Variants in CUL1 observed in about 807,000 individuals in gnomAD.
CUL1 encodes cullin-1.
CUL1 carries 24 observed loss-of-function variants against 118.0 expected under a neutral mutation model. The ratio of observed to expected loss-of-function variants is 0.20; its 90% CI spans 0.15 to 0.29. CUL1 has a LOEUF of 0.29. Ranked by LOEUF, CUL1 falls within the 10% of genes least tolerant of loss-of-function variation. CUL1 has a pLI of 1.00. For synonymous variants in CUL1, 332 were observed against 340.4 expected, an observed-to-expected ratio of 0.98 and a Z score of 0.27; for missense variants, 361 against 933.8, an observed-to-expected ratio of 0.39 and a Z score of 7.99.
intron 2 of CUL1, among the ~76,000 whole-genome samples, chr7:148,752,029 G>A (rs773504834): frequency 3.0e-4 from 46 of 152,056 alleles, no homozygotes; most frequent in Non-Finnish European, 6.0e-4. Context: ...CAGGAGAATC[G>A]CTTGAACCCA....
intron 1 of CUL1, among the ~76,000 whole-genome samples, chr7:148,725,219 G>GCGCACGCACACACACACACACACACA: frequency 6.4e-5 from 9 of 140,060 alleles, no homozygotes; most frequent in African/African-American, 2.5e-4. Context: ...ACACGCGCGC[G>GCGCACGCACACACACACACACACACA]CTCACACACA....
At chr7:148,791,455 A>G (rs1019058593) in intron 16 of CUL1, among the ~76,000 whole-genome samples, 1 of 152,248 alleles carries the variant, frequency 6.6e-6, no homozygotes, top group Non-Finnish European at 1.5e-5. Flanking sequence ...GTTTCTTACT[A>G]TACAATTGAA....
chr7:148,752,794 G>C (rs1017086398), intron 2 of CUL1, among the ~76,000 whole-genome samples: 1 of 152,054 alleles, frequency 6.6e-6, no homozygotes, highest in African/African-American at 2.4e-5. Flanking sequence ...GACTACAGGC[G>C]CCTGCCACCA....
intron 8 of CUL1, 68 bp downstream of exon 8, chr7:148,766,791 C>G: frequency 3.7e-6 from 5 of 1,365,720 alleles, no homozygotes; most frequent in Non-Finnish European, 5.1e-6. Flanking sequence ...GCTTTTGATT[C>G]TAGACTCTCG....
chr7:148,719,227 C>T (rs1004469749), intron 1 of CUL1, among the ~76,000 whole-genome samples: 8 of 152,040 alleles, frequency 5.3e-5, no homozygotes, highest in African/African-American at 1.2e-4. Flanking sequence ...AGGAGAATGG[C>T]GTGAACCCGG....
At chr7:148,724,782 C>T (rs565642708) in intron 1 of CUL1, among the ~76,000 whole-genome samples, 4 of 152,294 alleles carry the variant, frequency 2.6e-5, no homozygotes, top group African/African-American at 9.6e-5. Context: ...CCTGCGATGC[C>T]AAGGATCTCC....
chr7:148,736,112 T>G (rs1798932652), intron 2 of CUL1, among the ~76,000 whole-genome samples: 1 of 151,816 alleles, frequency 6.6e-6, no homozygotes, highest in East Asian at 1.9e-4. Flanking sequence ...AGGTCGAGGC[T>G]GCAGTGAGTC....
At chr7:148,725,609 A>C (rs954758288) in intron 1 of CUL1, among the ~76,000 whole-genome samples, 2 of 151,856 alleles carry the variant, frequency 1.3e-5, no homozygotes, top group Non-Finnish European at 2.9e-5. Context: ...AGCATCTTCC[A>C]CCCAAGCCAG....
rs1461085337 is a variant in CUL1 at position 148,787,271 on chromosome 7, G to A, written c.1479+151G>A. On this transcript the variant is annotated intron_variant, in intron 13 of 21. Coordinates refer to ENST00000325222, the MANE Select transcript of CUL1 (RefSeq NM_003592.3). The surrounding 1 kb of genome is among the most constrained non-coding windows in gnomAD (Gnocchi z 5.5). Reference sequence around the variant, plus strand: ...AGGTCAGGAGATCGAGACCATCCTGGCTAATATGGAGAAACCCCATCTCTG... The same window carrying A: ...AGGTCAGGAGATCGAGACCATCCTGACTAATATGGAGAAACCCCATCTCTG... 1 of 663,604 alleles carries A rather than the reference G, an allele frequency of 1.5e-6. No individual in the cohort carries two copies. Among genetic ancestry groups the A allele is most frequent in the East Asian group, 3.1e-5 (1 of 31,792 alleles). The allele number at this position is 663,604 out of a possible 1,614,324, so 41.1% of individuals were successfully genotyped here. A position where few individuals can be genotyped will look rare whatever the true frequency, so the allele number is the denominator to read the frequency against.
At chr7:148,788,722 G>C in intron 14 of CUL1, 48 bp downstream of exon 14, 1 of 1,225,548 alleles carries the variant, frequency 8.2e-7, no homozygotes, top group Non-Finnish European at 1.2e-6. Flanking sequence ...AGAGTTCTCT[G>C]TAGCAAATGA....
At chr7:148,751,334 G>C (rs530926570) in intron 2 of CUL1, among the ~76,000 whole-genome samples, 7 of 152,046 alleles carry the variant, frequency 4.6e-5, no homozygotes, top group African/African-American at 1.4e-4. Context: ...GATTGCCTGA[G>C]GTCAGGAGTT....
At chr7:148,755,200 G>A (rs890527723) in intron 3 of CUL1, among the ~76,000 whole-genome samples, 2 of 152,000 alleles carry the variant, frequency 1.3e-5, no homozygotes, top group African/African-American at 2.4e-5. Flanking sequence ...TTCATCTCCC[G>A]CCTTTTCTTC....
chr7:148,714,018 C>T lies in CUL1; in HGVS notation c.-162+14989C>T, dbSNP rs190493529. Among the ~76,000 whole-genome samples, 215 of 152,310 alleles carry T rather than the reference C, an allele frequency of 1.4e-3. 2 individuals are homozygous for T. Among genetic ancestry groups the T allele is most frequent in the Middle Eastern group, 0.01 (3 of 294 alleles). The stretch of plus-strand genomic sequence containing the variant: ...TACAGGCGTGAGCCACCACGCCTGG[C>T]TGCATGTGTGTATATTTATATAATT... On this transcript the variant is annotated intron_variant, in intron 1 of 21. Coordinates refer to ENST00000325222, the MANE Select transcript of CUL1 (RefSeq NM_003592.3).
In CUL1 at chr7:148,786,587, A is replaced by T. The variant is rs1173709220; in HGVS notation, c.1335A>T (p.Thr445=). ...KNPEEAELED[T]LNQVMVVFKY... is the part of the protein sequence containing the mutation. ...CAGAGGAGGCAGAACTAGAAGACAC[A>T]CTCAATCAAGTGGTAAGTGCTTCAT... The change falls in exon 12 of 22, where the codon ACA becomes ACT. Residue 445 remains threonine, a synonymous_variant. Coordinates refer to ENST00000325222, the MANE Select transcript of CUL1 (RefSeq NM_003592.3). The T allele has an allele frequency of 1.2e-6, 2 of 1,613,644 alleles. No individual in the cohort carries two copies. Among genetic ancestry groups the T allele is most frequent in the East Asian group, 4.5e-5 (2 of 44,868 alleles).
chr7:148,787,687 T>A lies in CUL1; in HGVS notation c.1479+567T>A, dbSNP rs571230445. ...GGCTCAGCTCACCATCTGTGGGGCC[T>A]CTCCTGCCTCCCACACCTTTAGCCT... On this transcript the variant is annotated intron_variant, in intron 13 of 21. Coordinates refer to ENST00000325222, the MANE Select transcript of CUL1 (RefSeq NM_003592.3). The surrounding 1 kb of genome is among the most constrained non-coding windows in gnomAD (Gnocchi z 5.5). 6.6e-6 allele frequency among the ~76,000 whole-genome samples: 1 copy of A among 152,038 alleles called. No homozygotes were observed. The highest frequency in any genetic ancestry group is 1.5e-5 in the Non-Finnish European group (1 of 68,006).
intron 16 of CUL1, among the ~76,000 whole-genome samples, 153 bp from the exon 17 acceptor site, chr7:148,792,573 A>G (rs1801051750): frequency 6.6e-6 from 1 of 152,386 alleles, no homozygotes; most frequent in African/African-American, 2.4e-5. Flanking sequence ...GCCACGTTTT[A>G]TATTCCCTTT....
chr7:148,777,096 T>C (rs1800427266), intron 9 of CUL1, among the ~76,000 whole-genome samples: 1 of 152,190 alleles, frequency 6.6e-6, no homozygotes. Context: ...AAACAAGGAC[T>C]TCAGCCTCAC....
chr7:148,749,285 T>A (rs4541821), intron 2 of CUL1, among the ~76,000 whole-genome samples: 42,758 of 151,516 alleles, frequency 0.28, 6,854 homozygotes, highest in African/African-American at 0.43. Context: ...GGCGTGGTGA[T>A]GCACGCCTGT....
chr7:148,777,718 G>A lies in CUL1; in HGVS notation c.1084-6065G>A, dbSNP rs539032943. Among the ~76,000 whole-genome samples, 4 of 152,182 alleles carry A rather than the reference G, an allele frequency of 2.6e-5. No individual in the cohort carries two copies. The East Asian group carries it at 7.7e-4, about 29-fold the overall frequency. On this transcript the variant is annotated intron_variant, in intron 9 of 21. Transcript: ENST00000325222. The stretch of plus-strand genomic sequence containing the variant: ...TTGAATTTAGACCAATAGAGGCTTT[G>A]GGGGAGGAGCATTTTCTTGCTGGCA...
Sources: allele counts gnomAD v4.1 joint callset (sites outside exome capture counted in the v4.1 genomes callset), GRCh38; gene constraint gnomAD v4.1.1; non-coding constraint Gnocchi (gnomAD v3.1); transcripts MANE v1.5; gene names NCBI Gene and HGNC (gene_info 2026-07-23, HGNC 2026-07-21).